The following PCDHGA4 variants were observed in gnomAD, a reference collection of about 807,000 sequenced individuals.
PCDHGA4 encodes protocadherin gamma-A4.
Under a neutral mutation model 54.6 loss-of-function variants are expected in PCDHGA4, and 38 were observed. That is an observed-to-expected ratio of 0.70 (90% CI 0.54 to 0.91). PCDHGA4 has a LOEUF of 0.91. PCDHGA4 is among the 40% of genes least tolerant of loss of function. The probability of loss-of-function intolerance (pLI) is 0.00; values close to 1 mark genes in which losing one functional copy is unlikely to be tolerated. For synonymous variants in PCDHGA4, 511 were observed against 512.9 expected, an observed-to-expected ratio of 1.00 and a Z score of 0.05; for missense variants, 1,298 against 1,220.9, an observed-to-expected ratio of 1.06 and a Z score of -0.94.
chr5:141,374,386 G>A (rs933509212), intron 1 of PCDHGA4: 6 of 1,613,940 alleles, frequency 3.7e-6, no homozygotes, highest in Admixed American at 1.7e-5. Context: ...AGAGCCCGCG[G>A]TGTCTGGTGA....
At chr5:141,423,384 C>T in intron 1 of PCDHGA4, 1 of 1,614,172 alleles carries the variant, frequency 6.2e-7, no homozygotes. Flanking sequence ...GGCTGTGGCG[C>T]TGGCATAAGT....
Position 141,487,925 on chromosome 5 carries a change from C to T in PCDHGA4, c.2515-6882C>T. 4.8e-6 allele frequency: 3 copies of T among 629,734 alleles called. No homozygotes were observed. The highest frequency in any genetic ancestry group is 8.3e-6 in the Non-Finnish European group (3 of 362,440). 39.0% of individuals were successfully genotyped at this position (629,734 alleles called of 1,614,324 possible). On this transcript the variant is annotated intron_variant, in intron 1 of 3. Coordinates refer to ENST00000571252, the MANE Select transcript of PCDHGA4 (RefSeq NM_018917.4). The surrounding 1 kb of genome is among the most constrained non-coding windows in gnomAD (Gnocchi z 5.0). ...TGTGGGAGCACAGGAGGCTACAGTGCACAGGGTACAGTGCACCAGGCAGTC... is the reference window on the plus strand; with the variant it reads ...TGTGGGAGCACAGGAGGCTACAGTGTACAGGGTACAGTGCACCAGGCAGTC...
At chr5:141,480,033 C>T (rs370321166) in intron 1 of PCDHGA4, among the ~76,000 whole-genome samples, 1 of 152,106 alleles carries the variant, frequency 6.6e-6, no homozygotes, top group African/African-American at 2.4e-5. Flanking sequence ...AAGCCTCTTC[C>T]TCATATGCAA....
At chr5:141,383,748 A>T in intron 1 of PCDHGA4, 1 of 1,613,970 alleles carries the variant, frequency 6.2e-7, no homozygotes, top group Non-Finnish European at 8.5e-7. Context: ...CTTTTCGGAA[A>T]ATAACTCCTA....
At chr5:141,478,567 C>T (rs371741874) in intron 1 of PCDHGA4, 20 of 1,593,698 alleles carry the variant, frequency 1.3e-5, no homozygotes, top group Non-Finnish European at 1.7e-5. Flanking sequence ...GCAAGTCATG[C>T]TTGACCCTGT....
In PCDHGA4 at chr5:141,388,019, C is replaced by T. The variant is rs1218468252; in HGVS notation, c.2514+30398C>T. On this transcript the variant is annotated intron_variant, in intron 1 of 3. Transcript: ENST00000571252. ...TTCCCGAGGAAATGCCCAAGGGCTC[C>T]GTAGTGGGGAACCTCGCCACGGACC... 4.1e-6 allele frequency: 6 copies of T among 1,458,652 alleles called. 1 individual carries two copies. The highest frequency in any genetic ancestry group is 2.4e-4 in the Middle Eastern group (1 of 4,164). 90.4% of individuals were successfully genotyped at this position (1,458,652 alleles called of 1,614,324 possible). A position where few individuals can be genotyped will look rare whatever the true frequency, so the allele number is the denominator to read the frequency against.
At chr5:141,397,818 T>TAA (rs748152113) in intron 1 of PCDHGA4, among the ~76,000 whole-genome samples, 1 of 152,226 alleles carries the variant, frequency 6.6e-6, no homozygotes, top group Non-Finnish European at 1.5e-5. Flanking sequence ...CAAAAACAAT[T>TAA]ACTGCACTGG....
In PCDHGA4 at chr5:141,485,869, G is replaced by A; in HGVS notation, c.2515-8938G>A. On this transcript the variant is annotated intron_variant, in intron 1 of 3. Coordinates refer to ENST00000571252, the MANE Select transcript of PCDHGA4 (RefSeq NM_018917.4). The surrounding 1 kb of genome is among the most constrained non-coding windows in gnomAD (Gnocchi z 5.7). ...GCACCGCAGAGCTCCGGGTATCCGT[G>A]CTGGACGTAAACGACAACGCCCCAG... is the stretch of plus-strand genomic sequence containing the variant. 1 of 1,614,176 alleles carries A rather than the reference G, an allele frequency of 6.2e-7. No individual in the cohort carries two copies. The highest frequency in any genetic ancestry group is 8.5e-7 in the Non-Finnish European group (1 of 1,180,040).
chr5:141,372,787 C>A (rs370329594), intron 1 of PCDHGA4: 229 of 1,603,212 alleles, frequency 1.4e-4, no homozygotes, highest in Non-Finnish European at 1.9e-4. Flanking sequence ...GAAATGCCTT[C>A]TAATTCAGGC....
chr5:141,441,565 C>T (rs1049476318), intron 1 of PCDHGA4: 62 of 200,838 alleles, frequency 3.1e-4, no homozygotes, highest in African/African-American at 1.4e-3. Context: ...CAAGTAGACA[C>T]CTCCAACCTA....
intron 1 of PCDHGA4, chr5:141,392,409 A>G (rs1308940731): frequency 6.4e-6 from 1 of 156,720 alleles, no homozygotes; most frequent in African/African-American, 2.4e-5. Context: ...ACTAAATAAA[A>G]CCTTCATCTC....
chr5:141,396,911 T>C (rs756096789), intron 1 of PCDHGA4, among the ~76,000 whole-genome samples: 3 of 152,238 alleles, frequency 2.0e-5, no homozygotes, highest in Non-Finnish European at 4.4e-5. Context: ...CACTTTGCAA[T>C]TTTAAAAACT....
At position 141,476,943 on chromosome 5, in the gene PCDHGA4, A is replaced by G. The variant is rs538990482; in HGVS notation, c.2515-17864A>G. On this transcript the variant is annotated intron_variant, in intron 1 of 3. Coordinates refer to ENST00000571252, the MANE Select transcript of PCDHGA4 (RefSeq NM_018917.4). This position sits in a 1 kb window ranked among gnomAD's most constrained non-coding sequence, Gnocchi z 7.6. ...GCAACGGATCTGGATGAAGGCCCCA[A>G]CGGTGAAATTATTTACTCCTTCGGC... 14 of 1,614,170 alleles carry G rather than the reference A, an allele frequency of 8.7e-6. No individual in the cohort carries two copies. Among genetic ancestry groups the G allele is most frequent in the South Asian group, 1.1e-5 (1 of 91,086 alleles).
chr5:141,452,088 AAG>A (rs1200732162), intron 1 of PCDHGA4, among the ~76,000 whole-genome samples: 2 of 152,206 alleles, frequency 1.3e-5, no homozygotes, highest in African/African-American at 4.8e-5. Flanking sequence ...ATTATACAGT[AAG>A]AAAGAGCTTT....
chr5:141,499,533 G>T (rs2099792525), intron 2 of PCDHGA4, among the ~76,000 whole-genome samples: 1 of 152,086 alleles, frequency 6.6e-6, no homozygotes, highest in African/African-American at 2.4e-5. Flanking sequence ...AGAGAGAATG[G>T]TGTCATGAAC....
chr5:141,420,244 C>A lies in PCDHGA4; in HGVS notation c.2514+62623C>A, dbSNP rs755775597. On this transcript the variant is annotated intron_variant, in intron 1 of 3. Coordinates refer to ENST00000571252, the MANE Select transcript of PCDHGA4 (RefSeq NM_018917.4). ...TACTGGCTAGCATTTTAACTCCCAGCGTTGAAGCAGATAAGAAGATTCTTA... is the reference window on the plus strand; with the variant it reads ...TACTGGCTAGCATTTTAACTCCCAGAGTTGAAGCAGATAAGAAGATTCTTA... 83 of 1,584,438 alleles carry A rather than the reference C, an allele frequency of 5.2e-5. 1 individual carries two copies. The South Asian group carries it at 9.4e-4, about 18-fold the overall frequency.
At position 141,486,927 on chromosome 5, in the gene PCDHGA4, G is replaced by T. The variant is rs2099637231; in HGVS notation, c.2515-7880G>T. On this transcript the variant is annotated intron_variant, in intron 1 of 3. Transcript: ENST00000571252. The surrounding 1 kb of genome is among the most constrained non-coding windows in gnomAD (Gnocchi z 5.0). ...CCCCAAGCACTGCCTCCATCAGTTG[G>T]TGCTGGCCACCTAATCACAAAGGTG... 1 of 1,614,108 alleles carries T rather than the reference G, an allele frequency of 6.2e-7. No homozygotes were observed. Among genetic ancestry groups the T allele is most frequent in the Non-Finnish European group, 8.5e-7 (1 of 1,180,054 alleles).
chr5:141,501,314 C>G, intron 2 of PCDHGA4, among the ~76,000 whole-genome samples: 1 of 151,728 alleles, frequency 6.6e-6, no homozygotes, highest in Non-Finnish European at 1.5e-5. Flanking sequence ...CACACACACA[C>G]ACACACACAC....
rs1561852927 is a variant in PCDHGA4, at chr5:141,431,472, A to G, written c.2515-63335A>G. On this transcript the variant is annotated intron_variant, in intron 1 of 3. Coordinates refer to ENST00000571252, the MANE Select transcript of PCDHGA4 (RefSeq NM_018917.4). The surrounding 1 kb of genome is among the most constrained non-coding windows in gnomAD (Gnocchi z 4.8). The stretch of plus-strand genomic sequence containing the variant: ...GTGATGGTTCTGGATGCGAACGACA[A>G]CGCACCAGCGTTTGCTCAGCCCGAG... 6.2e-7 allele frequency: 1 copy of G among 1,613,784 alleles called. No individual in the cohort carries two copies. The highest frequency in any genetic ancestry group is 8.5e-7 in the Non-Finnish European group (1 of 1,179,948).
Sources: gnomAD v4.1 joint callset for allele counts (sites outside exome capture counted in the v4.1 genomes callset) on GRCh38, gnomAD v4.1.1 for gene constraint, Gnocchi (gnomAD v3.1) non-coding constraint, MANE v1.5 for transcripts, NCBI Gene and HGNC (gene_info 2026-07-23, HGNC 2026-07-21) for gene names.